The following CPT1A variants were observed in gnomAD, a reference collection of about 807,000 sequenced individuals.
CPT1A encodes carnitine palmitoyltransferase 1A.
CPT1A carries 64 observed loss-of-function variants against 100.8 expected under a neutral mutation model. The ratio of observed to expected loss-of-function variants is 0.63; its 90% CI spans 0.52 to 0.78. The LOEUF (loss-of-function observed/expected upper bound fraction) is 0.78. Among genes scored for constraint, CPT1A ranks in the 30% least tolerant of loss-of-function variants. The probability of loss-of-function intolerance (pLI) is 0.00; values close to 1 mark genes in which losing one functional copy is unlikely to be tolerated. For missense variants in CPT1A, 802 were observed against 1,034.1 expected (o/e 0.78, Z 3.08); for synonymous variants, 363 against 396.0 (o/e 0.92, Z 0.99).
chr11:68,797,909 C>T lies in CPT1A; in HGVS notation c.694-976G>A, dbSNP rs569344168. Among the ~76,000 whole-genome samples, 10 of 152,224 alleles carry T rather than the reference C, an allele frequency of 6.6e-5. No individual in the cohort carries two copies. In the East Asian group the frequency reaches 1.2e-3, roughly 18 times the overall value. On this transcript the variant is annotated intron_variant, in intron 6 of 18. Coordinates refer to ENST00000265641, the MANE Select transcript of CPT1A (RefSeq NM_001876.4). ...AGGAGAATTGCTTGAACCTGGGAGG[C>T]AGAGCTTGCAGTGAGCCGAGATCGC...
intron 7 of CPT1A, 78 bp from the exon 8 acceptor site, chr11:68,794,989 A>G (rs1202163127): frequency 9.3e-7 from 1 of 1,078,156 alleles, no homozygotes; most frequent in Non-Finnish European, 1.4e-6. Context: ...CATCCTGCAC[A>G]CTGTCACAAT....
At chr11:68,762,429 C>G (rs538932182) in intron 15 of CPT1A, among the ~76,000 whole-genome samples, 198 bp downstream of exon 15, 1 of 152,342 alleles carries the variant, frequency 6.6e-6, no homozygotes, top group African/African-American at 2.4e-5. Flanking sequence ...CGTCTCTGTC[C>G]TTGTCCCTAC....
intron 4 of CPT1A, 104 bp downstream of exon 4, chr11:68,807,363 C>G (rs1418035994): frequency 1.7e-6 from 2 of 1,195,066 alleles, no homozygotes; most frequent in African/African-American, 3.0e-5. Context: ...ACCAACCAAG[C>G]ATAGAGGGAG....
At chr11:68,764,455 G>C (rs1295248185) in intron 14 of CPT1A, among the ~76,000 whole-genome samples, 1 of 152,186 alleles carries the variant, frequency 6.6e-6, no homozygotes, top group Admixed American at 6.5e-5. Context: ...GGCAAGGCTG[G>C]GCTGAGCACA....
intron 4 of CPT1A, among the ~76,000 whole-genome samples, chr11:68,804,593 G>A (rs1050560187): frequency 2.0e-5 from 3 of 152,114 alleles, no homozygotes; most frequent in Non-Finnish European, 2.9e-5. Flanking sequence ...ATGTCAAAAA[G>A]CAAAACAAAA....
intron 8 of CPT1A, among the ~76,000 whole-genome samples, chr11:68,793,911 C>A (rs766426299): frequency 6.6e-6 from 1 of 152,172 alleles, no homozygotes; most frequent in Non-Finnish European, 1.5e-5. Flanking sequence ...TGCCAGGGTG[C>A]AACTTCCTGC....
chr11:68,806,633 GAAAAAAA>G (rs775579381), intron 4 of CPT1A, among the ~76,000 whole-genome samples: 1 of 92,446 alleles, frequency 1.1e-5, no homozygotes, highest in Non-Finnish European at 2.7e-5. Flanking sequence ...GTCTCAAAAA[GAAAAAAA>G]AAAAAAAAAA....
intron 1 of CPT1A, among the ~76,000 whole-genome samples, chr11:68,826,477 G>A (rs974870318): frequency 2.0e-5 from 3 of 151,034 alleles, no homozygotes; most frequent in African/African-American, 7.3e-5. Flanking sequence ...GCTCACGCCT[G>A]TAATCCCAGC....
chr11:68,841,699 G>T lies in CPT1A; in HGVS notation c.-14+76C>A, dbSNP rs1857163326. On this transcript the variant is annotated intron_variant, in intron 1 of 18. Transcript: ENST00000265641. This position sits in a 1 kb window ranked among gnomAD's most constrained non-coding sequence, Gnocchi z 6.3. Reference sequence around the variant, plus strand: ...CCGGTCCGGTTCCCGGCAGCCCCGCGCCCCGCCCGTCCCCGGCCCCCGCAG... The same window carrying T: ...CCGGTCCGGTTCCCGGCAGCCCCGCTCCCCGCCCGTCCCCGGCCCCCGCAG... The T allele has an allele frequency of 2.5e-6, 2 of 806,474 alleles. No homozygotes were observed. Among genetic ancestry groups the T allele is most frequent in the Non-Finnish European group, 1.5e-6 (1 of 666,200 alleles). The allele number at this position is 806,474 out of a possible 1,614,324, so 50.0% of individuals were successfully genotyped here. A position where few individuals can be genotyped will look rare whatever the true frequency, so the allele number is the denominator to read the frequency against.
intron 12 of CPT1A, among the ~76,000 whole-genome samples, chr11:68,776,147 C>T (rs542160775): frequency 2.7e-4 from 41 of 152,332 alleles, no homozygotes; most frequent in African/African-American, 9.9e-4. Context: ...TTCAGTAATC[C>T]CAGCACTTTG....
chr11:68,757,399 C>A lies in CPT1A; in HGVS notation c.*245G>T. 7.2e-7 allele frequency: 1 copy of A among 1,384,548 alleles called. No homozygotes were observed. Among genetic ancestry groups the A allele is most frequent in the Non-Finnish European group, 9.3e-7 (1 of 1,070,278 alleles). 85.8% of individuals were successfully genotyped at this position (1,384,548 alleles called of 1,614,324 possible). Reference sequence around the variant, plus strand: ...ATCCCTTAATAAATCCAAGCCGATGCGGAGACATCAGGGGAGACTTTATCA... The same window carrying A: ...ATCCCTTAATAAATCCAAGCCGATGAGGAGACATCAGGGGAGACTTTATCA... On this transcript the variant is annotated 3_prime_UTR_variant, in exon 19 of 19. Transcript: ENST00000265641.
intron 10 of CPT1A, among the ~76,000 whole-genome samples, chr11:68,784,096 C>T (rs1015537481): frequency 6.6e-6 from 1 of 152,182 alleles, no homozygotes; most frequent in Non-Finnish European, 1.5e-5. Context: ...CCCCTAGGCT[C>T]AAGTGACCCT....
chr11:68,759,705 A>G (rs748655420), intron 17 of CPT1A, 44 bp from the exon 18 acceptor site: 10 of 1,410,820 alleles, frequency 7.1e-6, no homozygotes, highest in Non-Finnish European at 1.0e-5. Context: ...GAAATGAGAC[A>G]ACGTGAAAAA....
At chr11:68,793,759 A>G (rs1855684533) in intron 8 of CPT1A, among the ~76,000 whole-genome samples, 1 of 151,918 alleles carries the variant, frequency 6.6e-6, no homozygotes, top group Admixed American at 6.6e-5. Context: ...AAAAAAAAAA[A>G]AAAGAAAACA....
Position 68,796,939 on chromosome 11 carries a change from G to T in CPT1A, c.694-6C>A. On this transcript the variant is annotated splice_polypyrimidine_tract_variant and splice_region_variant and intron_variant, in intron 6 of 18. Transcript: ENST00000265641. ...TCCTCCCACCAGTCGCTCACCTAGT[G>T]GGCGCAAACACCAGACAAACCCGCA... is the stretch of plus-strand genomic sequence containing the variant. 6.2e-7 allele frequency: 1 copy of T among 1,613,700 alleles called. No individual in the cohort carries two copies. The highest frequency in any genetic ancestry group is 8.5e-7 in the Non-Finnish European group (1 of 1,179,838).
intron 14 of CPT1A, among the ~76,000 whole-genome samples, chr11:68,764,799 C>T (rs1355011294): frequency 3.3e-5 from 5 of 152,238 alleles, no homozygotes; most frequent in Non-Finnish European, 5.9e-5. Flanking sequence ...AAACTGAAGG[C>T]GTCGACAAGA....
At chr11:68,813,070 G>A (rs1856263726) in intron 2 of CPT1A, among the ~76,000 whole-genome samples, 1 of 151,714 alleles carries the variant, frequency 6.6e-6, no homozygotes, top group Non-Finnish European at 1.5e-5. Context: ...AAAAAAAAAG[G>A]ATTATATCAA....
At chr11:68,781,295 T>A (rs1449244074) in intron 11 of CPT1A, among the ~76,000 whole-genome samples, 1 of 152,130 alleles carries the variant, frequency 6.6e-6, no homozygotes, top group Non-Finnish European at 1.5e-5. Context: ...GCTCAGGCTG[T>A]GTATGTGTGA....
chr11:68,802,740 A>G (rs1311101931), intron 5 of CPT1A, among the ~76,000 whole-genome samples: 1 of 151,550 alleles, frequency 6.6e-6, no homozygotes, highest in Non-Finnish European at 1.5e-5. Flanking sequence ...TCTCAAAAAA[A>G]AAAAAATATT....
Sources: gnomAD v4.1 joint callset for allele counts (sites outside exome capture counted in the v4.1 genomes callset) on GRCh38, gnomAD v4.1.1 for gene constraint, Gnocchi (gnomAD v3.1) non-coding constraint, MANE v1.5 for transcripts, NCBI Gene and HGNC (gene_info 2026-07-23, HGNC 2026-07-21) for gene names.